Variants in CRPPA observed in about 807,000 individuals in gnomAD.
CRPPA encodes the protein D-ribitol-5-phosphate cytidylyltransferase.
In CRPPA, 43 loss-of-function variants were observed where a neutral mutation model predicts 52.0. The ratio of observed to expected loss-of-function variants is 0.83; its 90% CI spans 0.65 to 1.07. The LOEUF (loss-of-function observed/expected upper bound fraction) is 1.07, where lower values mean the gene tolerates loss of function less well. Among genes scored for constraint, CRPPA ranks in the 50% least tolerant of loss-of-function variants. The pLI is 0.00. For synonymous variants in CRPPA, 250 were observed against 203.5 expected (o/e 1.23, Z -1.94); for missense variants, 629 against 551.7 (o/e 1.14, Z -1.40).
chr7:16,215,073 G>A (rs1231773190), intron 9 of CRPPA, among the ~76,000 whole-genome samples: 9 of 152,154 alleles, frequency 5.9e-5, no homozygotes, highest in Non-Finnish European at 1.5e-5. Context: ...CTAAAAGATG[G>A]TCCTTATATT....
At chr7:16,301,894 A>T (rs1784795009) in intron 4 of CRPPA, among the ~76,000 whole-genome samples, 1 of 152,190 alleles carries the variant, frequency 6.6e-6, no homozygotes. Context: ...ATTTATGTTA[A>T]GAGGGACTTC....
At chr7:16,200,535 C>G (rs532486890) in intron 9 of CRPPA, among the ~76,000 whole-genome samples, 3 of 152,294 alleles carry the variant, frequency 2.0e-5, no homozygotes, top group Middle Eastern at 3.4e-3. Flanking sequence ...TGACGTGACA[C>G]ATAAAAGTTC....
intron 9 of CRPPA, among the ~76,000 whole-genome samples, chr7:16,135,755 A>G (rs1299423028): frequency 6.6e-6 from 1 of 152,206 alleles, no homozygotes; most frequent in Admixed American, 6.5e-5. Flanking sequence ...CAGTCAGTAC[A>G]TTCATCTAAC....
Position 16,089,495 on chromosome 7 carries a change from G to A in CRPPA, c.*2200C>T, listed in dbSNP as rs1470275801. ...TACGTACATATATACGGGTATATAT[G>A]TACGTACATACATAGATATGGGTAT... On this transcript the variant is annotated 3_prime_UTR_variant, in exon 10 of 10. Coordinates refer to ENST00000407010, the MANE Select transcript of CRPPA (RefSeq NM_001101426.4). The A allele has an allele frequency of 1.4e-5, 4 of 294,692 alleles. No homozygotes were observed. Among genetic ancestry groups the A allele is most frequent in the Non-Finnish European group, 3.0e-5 (4 of 135,478 alleles). 18.3% of individuals were successfully genotyped at this position (294,692 alleles called of 1,614,324 possible). A position where few individuals can be genotyped will look rare whatever the true frequency, so the allele number is the denominator to read the frequency against.
chr7:16,417,772 G>A (rs1788230548), intron 1 of CRPPA, among the ~76,000 whole-genome samples: 1 of 151,772 alleles, frequency 6.6e-6, no homozygotes, highest in South Asian at 2.1e-4. Flanking sequence ...CATTCCCTCT[G>A]AATCTAAAAT....
intron 9 of CRPPA, among the ~76,000 whole-genome samples, chr7:16,193,118 G>C (rs982481836): frequency 3.3e-5 from 5 of 152,084 alleles, no homozygotes; most frequent in Non-Finnish European, 7.4e-5. Flanking sequence ...GACTTGCATT[G>C]AATTACAGCT....
intron 6 of CRPPA, among the ~76,000 whole-genome samples, chr7:16,274,082 CT>C (rs1404533056): frequency 6.6e-6 from 1 of 152,174 alleles, no homozygotes; most frequent in African/African-American, 2.4e-5. Context: ...CGGAGTCTCG[CT>C]CTGTCGCCCA....
At chr7:16,196,137 G>A (rs944071762) in intron 9 of CRPPA, among the ~76,000 whole-genome samples, 2 of 152,080 alleles carry the variant, frequency 1.3e-5, no homozygotes, top group African/African-American at 4.8e-5. Context: ...TATATATGTT[G>A]TCTTTTTTAC....
At chr7:16,384,964 A>G (rs1199505407) in intron 2 of CRPPA, among the ~76,000 whole-genome samples, 1 of 152,240 alleles carries the variant, frequency 6.6e-6, no homozygotes, top group African/African-American at 2.4e-5. Flanking sequence ...GCAAGGTATG[A>G]CAATATCACT....
intron 9 of CRPPA, among the ~76,000 whole-genome samples, chr7:16,122,479 T>C (rs2128370191): frequency 6.6e-6 from 1 of 152,178 alleles, no homozygotes; most frequent in South Asian, 2.1e-4. Context: ...AACATGTTCA[T>C]AGGAAGTTCT....
At chr7:16,204,573 C>T (rs567756395) in intron 9 of CRPPA, among the ~76,000 whole-genome samples, 26 of 152,202 alleles carry the variant, frequency 1.7e-4, no homozygotes, top group African/African-American at 6.3e-4. Context: ...TTCACCACTA[C>T]ACAACATACG....
At chr7:16,379,113 T>G (rs568423243) in intron 2 of CRPPA, among the ~76,000 whole-genome samples, 1 of 152,198 alleles carries the variant, frequency 6.6e-6, no homozygotes, top group Non-Finnish European at 1.5e-5. Flanking sequence ...TTAGTTTAAT[T>G]AGATCCCATT....
intron 6 of CRPPA, among the ~76,000 whole-genome samples, chr7:16,260,790 T>G (rs776071608): frequency 6.6e-6 from 1 of 152,106 alleles, no homozygotes; most frequent in Non-Finnish European, 1.5e-5. Context: ...AGAGATATTC[T>G]GATTCAGTTT....
intron 9 of CRPPA, among the ~76,000 whole-genome samples, chr7:16,137,269 G>T (rs1026103169): frequency 1.3e-5 from 2 of 152,174 alleles, no homozygotes; most frequent in Admixed American, 6.5e-5. Context: ...CAGGAATCAG[G>T]TCCTCACCAA....
intron 9 of CRPPA, among the ~76,000 whole-genome samples, chr7:16,169,322 A>C (rs538614022): frequency 4.6e-5 from 7 of 152,208 alleles, no homozygotes; most frequent in Non-Finnish European, 1.0e-4. Flanking sequence ...AAGTCAAAAA[A>C]TTGTTCCACT....
At chr7:16,171,043 G>T (rs918832227) in intron 9 of CRPPA, among the ~76,000 whole-genome samples, 1 of 152,230 alleles carries the variant, frequency 6.6e-6, no homozygotes, top group African/African-American at 2.4e-5. Context: ...AGGCTGAAGG[G>T]CTCCTCAAGC....
Position 16,342,794 on chromosome 7 carries a change from T to TAG in CRPPA, c.684+33297_684+33298insCT, listed in dbSNP as rs1350825073. Among the ~76,000 whole-genome samples, 40 of 62,754 alleles carry TAG rather than the reference T, an allele frequency of 6.4e-4. 4 individuals are homozygous for TAG. The highest frequency in any genetic ancestry group is 5.3e-3 in the East Asian group (14 of 2,630). The allele number at this position is 62,754 out of a possible 152,430, so 41.2% of individuals were successfully genotyped here. ...AAAAAAAAAAAAAAATATATATATA[T>TAG]ATATCTATATAGATATATAGATATA... On this transcript the variant is annotated intron_variant, in intron 3 of 9. Coordinates refer to ENST00000407010, the MANE Select transcript of CRPPA (RefSeq NM_001101426.4).
chr7:16,106,217 C>A (rs1409646820), intron 9 of CRPPA, among the ~76,000 whole-genome samples: 2 of 152,176 alleles, frequency 1.3e-5, no homozygotes, highest in Non-Finnish European at 2.9e-5. Context: ...CAAACAGCCA[C>A]TCAATTCTGC....
At chr7:16,201,365 T>A (rs1382411059) in intron 9 of CRPPA, among the ~76,000 whole-genome samples, 1 of 152,144 alleles carries the variant, frequency 6.6e-6, no homozygotes, top group Non-Finnish European at 1.5e-5. Context: ...AGAACCTCCA[T>A]CGCAGTCTTA....
Sources: allele counts gnomAD v4.1 joint callset (sites outside exome capture counted in the v4.1 genomes callset), GRCh38; gene constraint gnomAD v4.1.1; transcripts MANE v1.5; gene names NCBI Gene and HGNC (gene_info 2026-07-23, HGNC 2026-07-21).